ACBD5: variants seen among roughly 807,000 people sequenced by gnomAD.
ACBD5 encodes the protein acyl-CoA-binding domain-containing protein 5.
A neutral mutation model predicts 71.8 loss-of-function variants in ACBD5; 40 were observed. The ratio of observed to expected loss-of-function variants is 0.56; its 90% CI spans 0.43 to 0.72. The LOEUF (loss-of-function observed/expected upper bound fraction) is 0.72, where lower values mean the gene tolerates loss of function less well. Ranked by LOEUF, ACBD5 falls within the 30% of genes least tolerant of loss-of-function variation. The pLI is 0.00. For missense variants in ACBD5, 559 were observed against 644.5 expected (o/e 0.87, Z 1.44); for synonymous variants, 229 against 218.6 (o/e 1.05, Z -0.42).
Position 27,240,261 on chromosome 10 carries a change from A to G in ACBD5, c.181+58T>C, listed in dbSNP as rs2065306649. On this transcript the variant is annotated intron_variant, in intron 2 of 12. Coordinates refer to ENST00000396271, the MANE Select transcript of ACBD5 (RefSeq NM_145698.5). This position sits in a 1 kb window ranked among gnomAD's most constrained non-coding sequence, Gnocchi z 4.1. ...AAACAACACTAGAACCAGAAAGTGA[A>G]AGGGGGCTTTGGGGCTCTCTGCAGG... The G allele has an allele frequency of 1.2e-5, 20 of 1,613,598 alleles. No individual in the cohort carries two copies. The highest frequency in any genetic ancestry group is 1.7e-5 in the Non-Finnish European group (20 of 1,180,000).
intron 6 of ACBD5, among the ~76,000 whole-genome samples, chr10:27,218,508 A>G (rs2061926709): frequency 6.6e-6 from 1 of 152,170 alleles, no homozygotes; most frequent in African/African-American, 2.4e-5. Flanking sequence ...AGGGGTCCAC[A>G]TAGCTGATAA....
rs2061792988 is a variant in ACBD5 at position 27,217,467 on chromosome 10, AAAG to A, written c.829+510_829+512del. Among the ~76,000 whole-genome samples, 5 of 151,052 alleles carry A rather than the reference AAAG, an allele frequency of 3.3e-5. 1 individual carries two copies. The South Asian group carries it at 1.0e-3, about 32-fold the overall frequency. ...CGAGACACCATCTCAAAAAAAAAAA[AAAG>A]AGAAAAGAAAAAGAAATGATGTTTC... On this transcript the variant is annotated intron_variant, in intron 7 of 12. Coordinates refer to ENST00000396271, the MANE Select transcript of ACBD5 (RefSeq NM_145698.5).
chr10:27,234,802 C>T (rs899037399), intron 3 of ACBD5, among the ~76,000 whole-genome samples: 19 of 152,162 alleles, frequency 1.2e-4, no homozygotes, highest in South Asian at 1.0e-3. Flanking sequence ...TGTGGTGGCG[C>T]GCACCTGTAA....
At chr10:27,183,307 G>C (rs1426605778) in intron 13 of ACBD5, among the ~76,000 whole-genome samples, 1 of 151,896 alleles carries the variant, frequency 6.6e-6, no homozygotes, top group Admixed American at 6.6e-5. Flanking sequence ...TTGAGACAGA[G>C]ACTTGCTCTG....
chr10:27,221,917 CAAAAAAAAAAAA>C (rs56253187), intron 5 of ACBD5, among the ~76,000 whole-genome samples: 8 of 77,142 alleles, frequency 1.0e-4, no homozygotes, highest in Admixed American at 9.6e-4. Context: ...GACTCCATCT[CAAAAAAAAAAAA>C]AAAAAAAAAA....
chr10:27,218,377 G>A (rs539953280), intron 6 of ACBD5, among the ~76,000 whole-genome samples, 194 bp from the exon 7 acceptor site: 1 of 152,142 alleles, frequency 6.6e-6, no homozygotes, highest in African/African-American at 2.4e-5. Flanking sequence ...AAACTATGTT[G>A]GCTTCAAAAC....
chr10:27,224,917 G>C (rs984884375), intron 4 of ACBD5, among the ~76,000 whole-genome samples: 1 of 152,082 alleles, frequency 6.6e-6, no homozygotes, highest in Non-Finnish European at 1.5e-5. Flanking sequence ...TGTGATCCCA[G>C]CTACTTGGGA....
At chr10:27,230,312 GA>G (rs552354527) in intron 4 of ACBD5, among the ~76,000 whole-genome samples, 121 of 140,492 alleles carry the variant, frequency 8.6e-4, no homozygotes, top group African/African-American at 2.2e-3. Flanking sequence ...AATTTAAAAA[GA>G]AAAAAAAAAC....
rs752147433 is a variant in ACBD5, at chr10:27,184,554, ATTTTTT to A, written c.1494-1845_1494-1840del. ...AAAAACACTATCACATATAAGAAGG[ATTTTTT>A]TTTTTTTTTTTTTTTTTTGAGACGG... On this transcript the variant is annotated intron_variant, in intron 13 of 13. Transcript: ENST00000676511. Among the ~76,000 whole-genome samples the A allele has an allele frequency of 4.2e-3, 353 of 84,858 alleles. 2 individuals are homozygous for A. The highest frequency in any genetic ancestry group is 0.04 in the South Asian group (86 of 2,134). The allele number at this position is 84,858 out of a possible 152,430, so 55.7% of individuals were successfully genotyped here.
chr10:27,232,134 C>T (rs2800395), intron 3 of ACBD5: 252,385 of 331,598 alleles, frequency 0.76, 96,592 homozygotes, highest in African/African-American at 0.86. Flanking sequence ...AACAGAAATA[C>T]ACATTTTAGA....
At chr10:27,223,854 G>T (rs1048979201) in intron 4 of ACBD5, among the ~76,000 whole-genome samples, 3 of 152,074 alleles carry the variant, frequency 2.0e-5, no homozygotes, top group Non-Finnish European at 4.4e-5. Context: ...AGGCTACAGT[G>T]AGCCATTATG....
At chr10:27,201,569 G>A (rs1048413886) in intron 12 of ACBD5, among the ~76,000 whole-genome samples, 6 of 152,334 alleles carry the variant, frequency 3.9e-5, no homozygotes, top group African/African-American at 4.8e-5. Context: ...TTGGGAAGCC[G>A]AGGCGGCTGG....
At chr10:27,214,453 G>A (rs998410824) in intron 8 of ACBD5, among the ~76,000 whole-genome samples, 12 of 152,006 alleles carry the variant, frequency 7.9e-5, no homozygotes, top group South Asian at 2.1e-4. Context: ...GGTTTCAAGC[G>A]AAGTTCCTGC....
In ACBD5 at chr10:27,226,951, GC is replaced by G. The variant is rs1452666276; in HGVS notation, c.376-3500del. 2.0e-5 allele frequency among the ~76,000 whole-genome samples: 3 copies of G among 150,352 alleles called. No individual in the cohort carries two copies. The East Asian group carries it at 5.9e-4, about 29-fold the overall frequency. ...TTACTAGCTGGGATTACTAGTGTGA[GC>G]CACTGCGCCTGGCCCAAATTCGTAA... On this transcript the variant is annotated intron_variant, in intron 4 of 12. Coordinates refer to ENST00000396271, the MANE Select transcript of ACBD5 (RefSeq NM_145698.5).
rs2063905461 is a variant in ACBD5 at position 27,231,831 on chromosome 10, A to C, written c.303-11T>G. On this transcript the variant is annotated splice_polypyrimidine_tract_variant and intron_variant, in intron 3 of 12. Transcript: ENST00000396271. ...GAACTCCAAGCATCCCTAGAAATGA[A>C]AGTATCCACAAAATGACAAAGAGAC... The C allele has an allele frequency of 1.2e-6, 2 of 1,612,028 alleles. No homozygotes were observed. Among genetic ancestry groups the C allele is most frequent in the Non-Finnish European group, 1.7e-6 (2 of 1,178,634 alleles).
chr10:27,233,401 G>C (rs1407591984), intron 3 of ACBD5, among the ~76,000 whole-genome samples: 1 of 148,926 alleles, frequency 6.7e-6, no homozygotes, highest in Admixed American at 6.8e-5. Context: ...ACTCCAGCCT[G>C]GGCGACAGAG....
At chr10:27,223,769 G>C (rs890660023) in intron 4 of ACBD5, among the ~76,000 whole-genome samples, 2 of 151,944 alleles carry the variant, frequency 1.3e-5, no homozygotes, top group Non-Finnish European at 2.9e-5. Context: ...CATTAACCAG[G>C]CACGGTGGTG....
chr10:27,188,175 A>T (rs1034466960), intron 13 of ACBD5, among the ~76,000 whole-genome samples: 2 of 147,048 alleles, frequency 1.4e-5, no homozygotes, highest in African/African-American at 4.9e-5. Context: ...CCATGGGTTA[A>T]TGGTTTTACT....
intron 3 of ACBD5, among the ~76,000 whole-genome samples, chr10:27,233,939 G>A (rs181191276): frequency 9.2e-5 from 14 of 152,250 alleles, no homozygotes; most frequent in African/African-American, 2.9e-4. Context: ...AGCTACTCAG[G>A]AGGCTGAGGC....
Sources: allele counts gnomAD v4.1 joint callset (sites outside exome capture counted in the v4.1 genomes callset), GRCh38; gene constraint gnomAD v4.1.1; non-coding constraint Gnocchi (gnomAD v3.1); transcripts MANE v1.5; gene names NCBI Gene and HGNC (gene_info 2026-07-23, HGNC 2026-07-21).